The following NTRK3 variants were observed in gnomAD, a reference collection of about 807,000 sequenced individuals.
NTRK3 encodes the protein NT-3 growth factor receptor.
In NTRK3, 24 loss-of-function variants were observed where a neutral mutation model predicts 91.7. The ratio of observed to expected loss-of-function variants is 0.26; its 90% confidence interval spans 0.19 to 0.37. NTRK3 has a LOEUF of 0.37. NTRK3 is among the 10% of genes least tolerant of loss of function. The probability of loss-of-function intolerance (pLI) is 1.00; values close to 1 mark genes in which losing one functional copy is unlikely to be tolerated. For missense variants in NTRK3, 880 were observed against 1,068.9 expected (o/e 0.82, Z 2.46); for synonymous variants, 483 against 404.0 (o/e 1.20, Z -2.34).
At chr15:88,122,867 C>G (rs1022085415) in intron 13 of NTRK3, among the ~76,000 whole-genome samples, 1 of 152,098 alleles carries the variant, frequency 6.6e-6, no homozygotes, top group African/African-American at 2.4e-5. Flanking sequence ...TAAAGTCATT[C>G]ATTTCTAAAT....
intron 17 of NTRK3, among the ~76,000 whole-genome samples, chr15:87,890,586 C>G (rs982304875): frequency 4.0e-5 from 6 of 151,002 alleles, no homozygotes; most frequent in African/African-American, 7.3e-5. Context: ...CACACACACA[C>G]ACACACACAC....
At chr15:88,108,335 C>T (rs1048923677) in intron 13 of NTRK3, among the ~76,000 whole-genome samples, 11 of 152,304 alleles carry the variant, frequency 7.2e-5, no homozygotes, top group Non-Finnish European at 1.5e-4. Flanking sequence ...TCATAGTCTA[C>T]GCTGGGATCT....
intron 17 of NTRK3, among the ~76,000 whole-genome samples, chr15:87,890,132 G>A (rs2065779554): frequency 6.6e-6 from 1 of 151,978 alleles, no homozygotes; most frequent in South Asian, 2.1e-4. Flanking sequence ...CAGGTATCCA[G>A]AGCCCTGATT....
chr15:88,060,335 G>A (rs1485317034), intron 13 of NTRK3, among the ~76,000 whole-genome samples: 2 of 144,030 alleles, frequency 1.4e-5, no homozygotes, highest in Non-Finnish European at 3.0e-5. Context: ...AGTGATCCAA[G>A]ATTGCACTAT....
intron 10 of NTRK3, among the ~76,000 whole-genome samples, chr15:88,132,984 G>C (rs570174256): frequency 6.6e-6 from 1 of 152,318 alleles, no homozygotes; most frequent in African/African-American, 2.4e-5. Context: ...TTCCAGGGTA[G>C]TAGATTGCAA....
chr15:88,073,200 C>T (rs1555491932), intron 13 of NTRK3, among the ~76,000 whole-genome samples: 2 of 152,230 alleles, frequency 1.3e-5, no homozygotes. Context: ...TGGGTTCCAT[C>T]CTTCTCCCAC....
rs4887379 is a variant in NTRK3 at position 88,184,105 on chromosome 15, C to G, written c.323+120G>C. ...TATTGCCAACTCTACCAAAAGAAGA[C>G]CTGGGGGAGAAAGCACGGATGGCAG... On this transcript the variant is annotated intron_variant, in intron 4 of 18. Transcript: ENST00000394480. 0.21 allele frequency: 203,198 copies of G among 959,686 alleles called. 22,800 individuals are homozygous for G. The highest frequency in any genetic ancestry group is 0.31 in the African/African-American group (18,903 of 61,528). 59.4% of individuals were successfully genotyped at this position (959,686 alleles called of 1,614,324 possible). A position where few individuals can be genotyped will look rare whatever the true frequency, so the allele number is the denominator to read the frequency against.
At chr15:88,159,039 C>T (rs1031762906) in intron 5 of NTRK3, among the ~76,000 whole-genome samples, 4 of 152,204 alleles carry the variant, frequency 2.6e-5, no homozygotes, top group African/African-American at 7.2e-5. Context: ...GAGAGAGCTG[C>T]CCAGGGCGGG....
chr15:88,037,759 A>G (rs2079193200), intron 13 of NTRK3, among the ~76,000 whole-genome samples: 1 of 152,212 alleles, frequency 6.6e-6, no homozygotes, highest in East Asian at 1.9e-4. Flanking sequence ...TTAGTTGGAG[A>G]AATGCTGATG....
intron 13 of NTRK3, among the ~76,000 whole-genome samples, chr15:88,087,228 C>G (rs2048582407): frequency 6.6e-6 from 1 of 152,162 alleles, no homozygotes; most frequent in Admixed American, 6.5e-5. Flanking sequence ...AACAGTACTG[C>G]AGAGTAAATA....
intron 3 of NTRK3, among the ~76,000 whole-genome samples, chr15:88,232,568 G>C (rs937059141): frequency 2.0e-5 from 3 of 152,104 alleles, no homozygotes; most frequent in African/African-American, 7.2e-5. Context: ...TTGGCCATTT[G>C]CTCATTGGTC....
At chr15:88,058,887 T>TGTCC (rs1397583564) in intron 13 of NTRK3, among the ~76,000 whole-genome samples, 1 of 152,220 alleles carries the variant, frequency 6.6e-6, no homozygotes, top group Non-Finnish European at 1.5e-5. Flanking sequence ...GTCAGCCAAG[T>TGTCC]GTCCACCTTC....
intron 14 of NTRK3, among the ~76,000 whole-genome samples, chr15:88,029,794 A>G (rs1486987180): frequency 6.6e-6 from 1 of 152,232 alleles, no homozygotes; most frequent in Non-Finnish European, 1.5e-5. Flanking sequence ...ATAGTGGCTC[A>G]TCGCACACAG....
chr15:88,019,679 G>T (rs1394492308), intron 14 of NTRK3, among the ~76,000 whole-genome samples: 1 of 152,176 alleles, frequency 6.6e-6, no homozygotes, highest in Admixed American at 6.5e-5. Context: ...GTGATGCCTG[G>T]ATCTGCTGCA....
At chr15:88,161,177 G>A (rs887395789) in intron 5 of NTRK3, among the ~76,000 whole-genome samples, 5 of 152,176 alleles carry the variant, frequency 3.3e-5, no homozygotes, top group African/African-American at 1.2e-4. Context: ...TTGCATATAA[G>A]AGTTCACTTA....
intron 3 of NTRK3, among the ~76,000 whole-genome samples, chr15:88,190,959 C>T (rs921823392): frequency 6.6e-6 from 1 of 152,194 alleles, no homozygotes; most frequent in African/African-American, 2.4e-5. Context: ...CACATACATG[C>T]ACATGCATAC....
rs558430785 is a variant in NTRK3 at position 88,058,857 on chromosome 15, A to C, written c.1397-25812T>G. 1.1e-4 allele frequency among the ~76,000 whole-genome samples: 17 copies of C among 152,300 alleles called. No homozygotes were observed. The East Asian group carries it at 1.9e-3, about 17-fold the overall frequency. On this transcript the variant is annotated intron_variant, in intron 13 of 18. Coordinates refer to ENST00000394480, the Ensembl canonical transcript of NTRK3. ...TGATAATTATCATGATGATGGAGGCAGTAAAGGGAGGACCTAGTTGTCAGC... is the reference window on the plus strand; with the variant it reads ...TGATAATTATCATGATGATGGAGGCCGTAAAGGGAGGACCTAGTTGTCAGC...
chr15:87,918,565 C>T (rs904793130), intron 17 of NTRK3, among the ~76,000 whole-genome samples: 1 of 152,212 alleles, frequency 6.6e-6, no homozygotes, highest in African/African-American at 2.4e-5. Context: ...AAGACCCATG[C>T]CATTCCTCTA....
At chr15:88,165,419 CAACTT>C (rs1349515543) in intron 5 of NTRK3, among the ~76,000 whole-genome samples, 1 of 152,150 alleles carries the variant, frequency 6.6e-6, no homozygotes, top group Non-Finnish European at 1.5e-5. Context: ...TGGCTGACCT[CAACTT>C]AATTTAAAAT....
Sources: gnomAD v4.1 joint callset for allele counts (sites outside exome capture counted in the v4.1 genomes callset) on GRCh38, gnomAD v4.1.1 for gene constraint, MANE v1.5 for transcripts, NCBI Gene and HGNC (gene_info 2026-07-23, HGNC 2026-07-21) for gene names.